Variants in TMPRSS12 observed in about 807,000 individuals in gnomAD.
The protein encoded by TMPRSS12 is transmembrane serine protease 12.
TMPRSS12 carries 25 observed loss-of-function variants against 26.0 expected under a neutral mutation model. The observed-to-expected ratio is 0.96, with a 90% confidence interval of 0.70 to 1.34. The LOEUF (loss-of-function observed/expected upper bound fraction) is 1.34. TMPRSS12 is among the 40% of genes most tolerant of loss of function. The pLI, the probability that TMPRSS12 is intolerant of heterozygous loss-of-function variation, is 0.00. For synonymous variants in TMPRSS12, 150 were observed against 161.7 expected (o/e 0.93, Z 0.55); for missense variants, 441 against 440.1 (o/e 1.00, Z -0.02).
At chr12:50,853,675 T>C (rs1937849174) in intron 2 of TMPRSS12, among the ~76,000 whole-genome samples, 1 of 141,178 alleles carries the variant, frequency 7.1e-6, no homozygotes, top group African/African-American at 2.6e-5. Context: ...CCCACAGAAA[T>C]ATAAAATACC....
intron 3 of TMPRSS12, among the ~76,000 whole-genome samples, chr12:50,864,640 A>G (rs1937973042): frequency 6.6e-6 from 1 of 152,182 alleles, no homozygotes; most frequent in African/African-American, 2.4e-5. Flanking sequence ...ATTAAAAATG[A>G]GCAATAGACT....
intron 2 of TMPRSS12, among the ~76,000 whole-genome samples, chr12:50,845,406 G>T (rs1450885834): frequency 6.6e-6 from 1 of 152,038 alleles, no homozygotes; most frequent in Non-Finnish European, 1.5e-5. Flanking sequence ...TTTGCCCTCT[G>T]CCCTCTGTCA....
chr12:50,887,239 C>T, intron 4 of TMPRSS12, 23 bp from the exon 5 acceptor site: 1 of 1,607,186 alleles, frequency 6.2e-7, no homozygotes, highest in East Asian at 2.2e-5. Context: ...GTAACAAACA[C>T]TATTTTGGGA....
At chr12:50,870,014 C>T (rs561981054) in intron 3 of TMPRSS12, among the ~76,000 whole-genome samples, 79 of 152,176 alleles carry the variant, frequency 5.2e-4, no homozygotes, top group African/African-American at 1.7e-3. Flanking sequence ...ACCCAGGAGG[C>T]GGAGGTTGCA....
intron 3 of TMPRSS12, among the ~76,000 whole-genome samples, chr12:50,872,539 AAAAG>A (rs1938056686): frequency 7.9e-6 from 1 of 125,898 alleles, no homozygotes; most frequent in Non-Finnish European, 1.7e-5. Flanking sequence ...AAAAAAAAAA[AAAAG>A]GAACTGTGAA....
chr12:50,850,596 C>G (rs1223241214), intron 2 of TMPRSS12, among the ~76,000 whole-genome samples: 1 of 152,130 alleles, frequency 6.6e-6, no homozygotes, highest in East Asian at 1.9e-4. Flanking sequence ...GTGTGTAGCA[C>G]TACTGCCACC....
intron 3 of TMPRSS12, among the ~76,000 whole-genome samples, chr12:50,861,725 T>G (rs897901077): frequency 6.6e-6 from 1 of 151,910 alleles, no homozygotes; most frequent in African/African-American, 2.4e-5. Flanking sequence ...TTGCTTAAAC[T>G]AATAAAATAA....
intron 3 of TMPRSS12, among the ~76,000 whole-genome samples, chr12:50,872,748 C>CTATATATGTACATATATACGACG (rs1938069148): frequency 6.2e-5 from 3 of 48,008 alleles, no homozygotes; most frequent in African/African-American, 3.0e-4. Context: ...ATATATACGT[C>CTATATATGTACATATATACGACG]TATATATGTA....
chr12:50,884,675 C>T (rs561703048), intron 3 of TMPRSS12, among the ~76,000 whole-genome samples: 10 of 152,118 alleles, frequency 6.6e-5, no homozygotes, highest in African/African-American at 2.2e-4. Flanking sequence ...AGTTCGAGAA[C>T]AGCCTGGCCA....
At chr12:50,845,591 C>G (rs1937760034) in intron 2 of TMPRSS12, among the ~76,000 whole-genome samples, 1 of 152,310 alleles carries the variant, frequency 6.6e-6, no homozygotes, top group East Asian at 1.9e-4. Flanking sequence ...TCTATTTTCT[C>G]AGTTGATAGC....
At chr12:50,873,810 T>C (rs1358148665) in intron 3 of TMPRSS12, among the ~76,000 whole-genome samples, 3 of 152,132 alleles carry the variant, frequency 2.0e-5, no homozygotes, top group African/African-American at 7.2e-5. Context: ...ATGTCAGTAG[T>C]AGCAAGACAG....
chr12:50,843,120 G>T lies in TMPRSS12; in HGVS notation c.156G>T (p.Arg52=). The T allele has an allele frequency of 6.3e-7, 1 of 1,574,956 alleles. No homozygotes were observed. The highest frequency in any genetic ancestry group is 1.9e-5 in the Admixed American group (1 of 53,266). The change falls in exon 1 of 5, where the codon CGG becomes CGT. Residue 52 remains arginine, a synonymous_variant. Transcript: ENST00000398458. ...QQAEAVRKRL[R]RRREGGAHAE... ...CTGAGGCCGTCCGCAAGAGGCTCCG[G>T]CGGCGGAGGGAGGGAGGGGCGCATG...
chr12:50,866,058 G>A (rs998009541), intron 3 of TMPRSS12, among the ~76,000 whole-genome samples: 23 of 152,170 alleles, frequency 1.5e-4, no homozygotes, highest in Admixed American at 3.3e-4. Flanking sequence ...CTAGATTGCA[G>A]CTCTAATGTG....
At chr12:50,856,969 C>T (rs1228690942) in intron 2 of TMPRSS12, among the ~76,000 whole-genome samples, 3 of 152,044 alleles carry the variant, frequency 2.0e-5, no homozygotes, top group Admixed American at 6.6e-5. Context: ...GGATTACAGG[C>T]ATGAGCCACC....
intron 3 of TMPRSS12, among the ~76,000 whole-genome samples, chr12:50,876,170 C>T (rs906375058): frequency 6.6e-6 from 1 of 152,126 alleles, no homozygotes; most frequent in Non-Finnish European, 1.5e-5. Flanking sequence ...CACTAATCAT[C>T]AGAGAAATGC....
In TMPRSS12 at chr12:50,843,801, A is replaced by G. The variant is rs961567280; in HGVS notation, c.188-41A>G. On this transcript the variant is annotated intron_variant, in intron 1 of 4. Transcript: ENST00000398458. ...TTCAGCTTAGGAAGTAACACATACT[A>G]TAGATGCTCAGTCCAAATAATATAT... 5.9e-6 allele frequency: 9 copies of G among 1,536,918 alleles called. No individual in the cohort carries two copies. In the South Asian group the frequency reaches 1.1e-4, roughly 19 times the overall value.
At chr12:50,866,299 GT>G (rs1937990426) in intron 3 of TMPRSS12, among the ~76,000 whole-genome samples, 1 of 152,142 alleles carries the variant, frequency 6.6e-6, no homozygotes, top group Non-Finnish European at 1.5e-5. Context: ...GAGGGGCATG[GT>G]GGGAGTGAGA....
chr12:50,849,593 T>C (rs574550904), intron 2 of TMPRSS12, among the ~76,000 whole-genome samples: 8 of 152,212 alleles, frequency 5.3e-5, no homozygotes, highest in Admixed American at 1.3e-4. Flanking sequence ...TCCCTTACAG[T>C]TTTTCCATTT....
At chr12:50,864,214 T>G (rs1937966070) in intron 3 of TMPRSS12, among the ~76,000 whole-genome samples, 1 of 152,192 alleles carries the variant, frequency 6.6e-6, no homozygotes, top group South Asian at 2.1e-4. Flanking sequence ...AGGTTCTAGC[T>G]TAGTAACATC....
Sources: gnomAD v4.1 joint callset for allele counts (sites outside exome capture counted in the v4.1 genomes callset) on GRCh38, gnomAD v4.1.1 for gene constraint, MANE v1.5 for transcripts, NCBI Gene and HGNC (gene_info 2026-07-23, HGNC 2026-07-21) for gene names.